Variants in LLGL2 observed in about 807,000 individuals in gnomAD.
LLGL2 encodes LLGL scribble cell polarity complex component 2.
A neutral mutation model predicts 123.2 loss-of-function variants in LLGL2; 81 were observed. That is an observed-to-expected ratio of 0.66 (90% confidence interval 0.55 to 0.79). LLGL2 has a LOEUF of 0.79. LLGL2 is among the 30% of genes least tolerant of loss of function. LLGL2 has a pLI of 0.00. For missense variants in LLGL2, 1,273 were observed against 1,414.6 expected (o/e 0.90, Z 1.61); for synonymous variants, 577 against 594.1 (o/e 0.97, Z 0.42).
chr17:75,529,759 G>A (rs1267104708), intron 1 of LLGL2, among the ~76,000 whole-genome samples: 1 of 151,924 alleles, frequency 6.6e-6, no homozygotes, highest in Non-Finnish European at 1.5e-5. Flanking sequence ...TACTCAGGAG[G>A]CTGAGGCAGG....
At chr17:75,529,355 C>A (rs1460329364) in intron 1 of LLGL2, among the ~76,000 whole-genome samples, 1 of 151,376 alleles carries the variant, frequency 6.6e-6, no homozygotes, top group African/African-American at 2.4e-5. Flanking sequence ...CACCACCAGG[C>A]CCAGCTAATT....
At chr17:75,553,785 A>G (rs1262928598) in intron 2 of LLGL2, among the ~76,000 whole-genome samples, 1 of 152,042 alleles carries the variant, frequency 6.6e-6, no homozygotes, top group Non-Finnish European at 1.5e-5. Context: ...ATCACTCTAA[A>G]TTTGTAGTGG....
At chr17:75,539,293 T>G (rs1212864978) in intron 1 of LLGL2, among the ~76,000 whole-genome samples, 35 of 152,132 alleles carry the variant, frequency 2.3e-4, no homozygotes, top group Admixed American at 2.3e-3. Context: ...ACTCCTGAGC[T>G]CAAGTGATCC....
chr17:75,569,820 T>C (rs1598629197), intron 14 of LLGL2, 143 bp from the exon 15 acceptor site: 1 of 721,116 alleles, frequency 1.4e-6, no homozygotes, highest in Non-Finnish European at 2.1e-6. Context: ...AAAAAAAAAA[T>C]GCAGGAGAGC....
chr17:75,525,513 G>A (rs188951099), upstream of LLGL2, among the ~76,000 whole-genome samples: 540 of 151,534 alleles, frequency 3.6e-3, 5 homozygotes, highest in African/African-American at 0.012. This position sits in a 1 kb window ranked among gnomAD's most constrained non-coding sequence, Gnocchi z 4.8. Context: ...GCGGAACCCC[G>A]AGGCCGTTCG....
In LLGL2 at chr17:75,558,936, TCCGCACCCCGC is replaced by T. The variant is rs2055065529; in HGVS notation, c.371+311_372-304del. On this transcript the variant is annotated intron_variant, in intron 5 of 25. Transcript: ENST00000392550. The surrounding 1 kb of genome is among the most constrained non-coding windows in gnomAD (Gnocchi z 4.0). ...CTCCATCCGCACCCCACCTCCTCCA[TCCGCACCCCGC>T]CTCCTCCATCCGCACCCCGCCTCCT... is the stretch of plus-strand genomic sequence containing the variant. 3.1e-5 allele frequency: 11 copies of T among 359,752 alleles called. No homozygotes were observed. The Admixed American group carries it at 3.5e-4, about 11-fold the overall frequency. The allele number at this position is 359,752 out of a possible 1,614,324, so 22.3% of individuals were successfully genotyped here.
chr17:75,540,355 T>C (rs2054160629), intron 1 of LLGL2, among the ~76,000 whole-genome samples: 1 of 152,204 alleles, frequency 6.6e-6, no homozygotes. Flanking sequence ...TGCTTTTCCA[T>C]GCCTTGACCT....
chr17:75,568,827 T>C lies in LLGL2; in HGVS notation c.1310T>C (p.Leu437Pro). The change falls in exon 12 of 26, where the codon CTG (leucine) becomes CCG (proline). Residue 437 changes from leucine (L) to proline (P), a missense_variant. By Grantham distance (98) the Leu-to-Pro change is moderately conservative (BLOSUM62 -3). Transcript: ENST00000392550. Reference protein sequence around the residue: ...SLTPAPPQRDLLLTGHEDGTV... With the variant: ...SLTPAPPQRDPLLTGHEDGTV... Reference sequence around the variant, plus strand: ...ACCCCAGCCCCACCCCAGAGGGACCTGCTGCTCACAGGGTAGGGTACTTTG... The same window carrying C: ...ACCCCAGCCCCACCCCAGAGGGACCCGCTGCTCACAGGGTAGGGTACTTTG... 5 of 1,590,406 alleles carry C rather than the reference T, an allele frequency of 3.1e-6. No individual in the cohort carries two copies. The highest frequency in any genetic ancestry group is 4.3e-6 in the Non-Finnish European group (5 of 1,167,262).
intron 23 of LLGL2, 59 bp from the exon 24 acceptor site, chr17:75,574,393 AG>A (rs1598647201): frequency 6.5e-7 from 1 of 1,543,790 alleles, no homozygotes; most frequent in East Asian, 2.4e-5. Flanking sequence ...AGGGGGTGGA[AG>A]GGCTGTGGCT....
Position 75,563,732 on chromosome 17 carries a change from G to A in LLGL2, c.827-20G>A, listed in dbSNP as rs2055327002. On this transcript the variant is annotated intron_variant, in intron 8 of 25. Transcript: ENST00000392550. The stretch of plus-strand genomic sequence containing the variant: ...TCTGAGAGTTTGAGGATCCGTTCAA[G>A]CCGATTCCTTTCCTTTCAGGTCCCT... The A allele has an allele frequency of 6.2e-7, 1 of 1,614,032 alleles. No homozygotes were observed. Among genetic ancestry groups the A allele is most frequent in the Non-Finnish European group, 8.5e-7 (1 of 1,179,924 alleles).
At chr17:75,540,706 G>A (rs2054174476) in intron 1 of LLGL2, among the ~76,000 whole-genome samples, 1 of 152,214 alleles carries the variant, frequency 6.6e-6, no homozygotes. Context: ...GGTCCAGTCC[G>A]AGTTCTGCCG....
In LLGL2 at chr17:75,568,094, G is replaced by A. The variant is rs80292880; in HGVS notation, c.1037-382G>A. ...GCAACTGGTGTGCTGAAGACCACGC[G>A]TGCTGCTGCCTGTGGGGAGAGGCTT... On this transcript the variant is annotated intron_variant, in intron 10 of 25. Transcript: ENST00000392550. 5.0e-3 allele frequency: 5,692 copies of A among 1,137,948 alleles called. 195 individuals are homozygous for A. In the African/African-American group the frequency reaches 0.082, roughly 16 times the overall value. The allele number at this position is 1,137,948 out of a possible 1,614,324, so 70.5% of individuals were successfully genotyped here.
At chr17:75,525,652 G>C (rs959584552), upstream of LLGL2, 1 of 150,330 alleles carries the variant, frequency 6.7e-6, no homozygotes, top group Non-Finnish European at 1.5e-5. This position sits in a 1 kb window ranked among gnomAD's most constrained non-coding sequence, Gnocchi z 4.8. Context: ...GGCCCCGGCA[G>C]GCTCGCCCTT....
At chr17:75,543,166 C>T (rs950485565) in intron 1 of LLGL2, 4 of 317,880 alleles carry the variant, frequency 1.3e-5, no homozygotes, top group African/African-American at 8.6e-5. Flanking sequence ...CTTTTCCTAC[C>T]CCCATTATAA....
At chr17:75,550,380 G>A (rs940750780) in intron 2 of LLGL2, among the ~76,000 whole-genome samples, 2 of 150,102 alleles carry the variant, frequency 1.3e-5, no homozygotes, top group African/African-American at 2.4e-5. Flanking sequence ...AACAAGGGGG[G>A]AGTCACCACC....
Position 75,536,491 on chromosome 17 carries a change from TCC to T in LLGL2, c.-30-6905_-30-6904del, listed in dbSNP as rs1297355064. On this transcript the variant is annotated intron_variant, in intron 1 of 25. Transcript: ENST00000392550. ...TCCCCGCCTTTCCGGGCCTAACTAT[TCC>T]GTGTCTCTAGGGGGTACCTCTCCCC... Among the ~76,000 whole-genome samples, 538 of 152,220 alleles carry T rather than the reference TCC, an allele frequency of 3.5e-3. 3 individuals carry two copies. Among genetic ancestry groups the T allele is most frequent in the African/African-American group, 0.012 (511 of 41,538 alleles).
chr17:75,572,863 G>A (rs767660585), intron 19 of LLGL2, 151 bp from the exon 20 acceptor site: 24 of 896,972 alleles, frequency 2.7e-5, no homozygotes, highest in African/African-American at 5.1e-5. Flanking sequence ...CGGTGACCTC[G>A]GCATCCTCCC....
Sources: gnomAD v4.1 joint callset for allele counts (sites outside exome capture counted in the v4.1 genomes callset) on GRCh38, gnomAD v4.1.1 for gene constraint, Gnocchi (gnomAD v3.1) non-coding constraint, MANE v1.5 for transcripts, NCBI Gene and HGNC (gene_info 2026-07-23, HGNC 2026-07-21) for gene names.